DNAJC11: variants seen among roughly 807,000 people sequenced by gnomAD.
DNAJC11 encodes the protein dnaJ homolog subfamily C member 11.
Under a neutral mutation model 78.6 loss-of-function variants are expected in DNAJC11, and 15 were observed. The observed-to-expected ratio is 0.19, with a 90% CI of 0.13 to 0.29. The LOEUF (loss-of-function observed/expected upper bound fraction) is 0.29. Among genes scored for constraint, DNAJC11 ranks in the 10% least tolerant of loss-of-function variants. The pLI, the probability that DNAJC11 is intolerant of heterozygous loss-of-function variation, is 1.00. For missense variants in DNAJC11, 547 were observed against 709.6 expected (o/e 0.77, Z 2.60); for synonymous variants, 292 against 272.1 (o/e 1.07, Z -0.72).
chr1:6,639,022 A>AT (rs1210328933), intron 11 of DNAJC11, among the ~76,000 whole-genome samples: 1 of 152,208 alleles, frequency 6.6e-6, no homozygotes, highest in Non-Finnish European at 1.5e-5. Flanking sequence ...AGAAGAGGAG[A>AT]TTCATTCCTT....
intron 14 of DNAJC11, 98 bp from the exon 15 acceptor site, chr1:6,636,344 A>T: frequency 6.6e-7 from 1 of 1,512,780 alleles, no homozygotes. Context: ...AGGCTCTGAC[A>T]TTCCCTGGGG....
intron 7 of DNAJC11, among the ~76,000 whole-genome samples, chr1:6,649,556 T>C (rs1211684511): frequency 1.3e-5 from 2 of 152,154 alleles, no homozygotes; most frequent in Admixed American, 6.5e-5. Context: ...CAACTTCTCC[T>C]GCTCTCCCTA....
intron 3 of DNAJC11, among the ~76,000 whole-genome samples, chr1:6,672,374 A>G (rs1193809558): frequency 3.3e-5 from 5 of 152,218 alleles, no homozygotes; most frequent in Admixed American, 3.3e-4. Flanking sequence ...GTGAAGCTTC[A>G]CAAAGGCTGC....
intron 15 of DNAJC11, 67 bp from the exon 16 acceptor site, chr1:6,635,767 G>A: frequency 1.3e-6 from 2 of 1,572,548 alleles, no homozygotes; most frequent in Non-Finnish European, 1.7e-6. Flanking sequence ...TCTACTGATG[G>A]GGCTCAGCAG....
At chr1:6,679,468 T>A (rs1327706629) in intron 2 of DNAJC11, among the ~76,000 whole-genome samples, 1 of 152,166 alleles carries the variant, frequency 6.6e-6, no homozygotes, top group Non-Finnish European at 1.5e-5. Flanking sequence ...GCAAGGCCAA[T>A]GGTTGTTCTC....
intron 4 of DNAJC11, among the ~76,000 whole-genome samples, chr1:6,657,770 G>A (rs1032020643): frequency 5.3e-5 from 8 of 152,222 alleles, no homozygotes; most frequent in Admixed American, 2.0e-4. Flanking sequence ...TCAGCCTCCC[G>A]AGTAGCTGGG....
chr1:6,677,139 C>T (rs1268296580), intron 3 of DNAJC11, among the ~76,000 whole-genome samples: 1 of 85,452 alleles, frequency 1.2e-5, no homozygotes, highest in Non-Finnish European at 2.2e-5. Context: ...GCCTGGGCAA[C>T]AAGAGCAAAA....
Position 6,640,204 on chromosome 1 carries a change from T to A in DNAJC11, c.1098-147A>T, listed in dbSNP as rs994910992. On this transcript the variant is annotated intron_variant, in intron 10 of 15. Coordinates refer to ENST00000377577, the MANE Select transcript of DNAJC11 (RefSeq NM_018198.4). ...AGCCTGCAGTCTGCTCCTTTCACAG[T>A]CCACCACCTTCTGGCCTCCCGTTCC... The A allele has an allele frequency of 1.0e-5, 10 of 998,892 alleles. No individual in the cohort carries two copies. The Admixed American group carries it at 1.5e-4, about 15-fold the overall frequency. The allele number at this position is 998,892 out of a possible 1,614,324, so 61.9% of individuals were successfully genotyped here.
At chr1:6,648,460 T>C (rs1227691372) in intron 7 of DNAJC11, among the ~76,000 whole-genome samples, 2 of 151,636 alleles carry the variant, frequency 1.3e-5, no homozygotes, top group East Asian at 3.9e-4. Flanking sequence ...CTGACCAGCA[T>C]TTCTTTTTTC....
intron 4 of DNAJC11, among the ~76,000 whole-genome samples, chr1:6,662,347 C>T (rs747666026): frequency 2.0e-5 from 3 of 152,044 alleles, no homozygotes; most frequent in Non-Finnish European, 4.4e-5. Flanking sequence ...GCGCCTGCCA[C>T]CACGCCTGGC....
rs1374142978 is a variant in DNAJC11 at position 6,695,626 on chromosome 1, C to T, written c.72+6103G>A. ...CCAACATAGTGAAACCCTATCTCTA[C>T]TAAAAAAAAAAAAAAAAAAAAAAAA... On this transcript the variant is annotated intron_variant, in intron 1 of 15. Coordinates refer to ENST00000377577, the MANE Select transcript of DNAJC11 (RefSeq NM_018198.4). 2.1e-4 allele frequency among the ~76,000 whole-genome samples: 4 copies of T among 19,288 alleles called. 1 individual carries two copies. The highest frequency in any genetic ancestry group is 5.3e-4 in the African/African-American group (3 of 5,714). 12.7% of individuals were successfully genotyped at this position (19,288 alleles called of 152,430 possible). A position where few individuals can be genotyped will look rare whatever the true frequency, so the allele number is the denominator to read the frequency against.
intron 3 of DNAJC11, among the ~76,000 whole-genome samples, chr1:6,677,667 T>C (rs918081184): frequency 6.6e-6 from 1 of 152,170 alleles, no homozygotes; most frequent in Non-Finnish European, 1.5e-5. Context: ...CTAATCTTCA[T>C]ATTCATTTTT....
At chr1:6,699,354 G>A (rs1385121860) in intron 1 of DNAJC11, among the ~76,000 whole-genome samples, 2 of 152,090 alleles carry the variant, frequency 1.3e-5, no homozygotes, top group Non-Finnish European at 1.5e-5. Flanking sequence ...ACAATGACAG[G>A]CTCTACAGTT....
rs765476365 is a variant in DNAJC11, at chr1:6,652,889, A to T, written c.570T>A (p.Asn190Lys). The change falls in exon 6 of 16, where the codon AAT becomes AAA. Residue 190 changes from asparagine (N) to lysine (K), a missense_variant. Transcript: ENST00000377577. ...GCGCAAAGTTAATGGAACCTCCTCC[A>T]TTTCCATTCTGGGTTGAGAGGCTTC... ...LSGSLSTQNGNGGGSINFALR... is the reference protein window; with the variant it reads ...LSGSLSTQNGKGGGSINFALR... 1 of 1,614,122 alleles carries T rather than the reference A, an allele frequency of 6.2e-7. No individual in the cohort carries two copies. Among genetic ancestry groups the T allele is most frequent in the South Asian group, 1.1e-5 (1 of 91,082 alleles).
intron 1 of DNAJC11, among the ~76,000 whole-genome samples, chr1:6,689,068 A>C (rs559805325): frequency 5.9e-5 from 9 of 152,228 alleles, no homozygotes; most frequent in Non-Finnish European, 1.2e-4. Flanking sequence ...AATGGAGCCA[A>C]GGAGTTTGAC....
chr1:6,670,999 C>T (rs1167875785), intron 3 of DNAJC11: 4 of 152,140 alleles, frequency 2.6e-5, no homozygotes, highest in Non-Finnish European at 4.4e-5. Flanking sequence ...AGAAAATATG[C>T]TTTAAAATAC....
intron 3 of DNAJC11, among the ~76,000 whole-genome samples, chr1:6,671,681 G>A (rs1363483301): frequency 4.6e-5 from 7 of 150,592 alleles, no homozygotes; most frequent in South Asian, 2.1e-4. Context: ...ACAGGCATCC[G>A]CCACCACGCC....
intron 1 of DNAJC11, among the ~76,000 whole-genome samples, chr1:6,690,644 C>A (rs891498130): frequency 6.6e-6 from 1 of 152,148 alleles, no homozygotes; most frequent in African/African-American, 2.4e-5. Context: ...CCCTGAATTG[C>A]CTGGGCGTGG....
At chr1:6,669,943 G>A (rs1157577676) in intron 3 of DNAJC11, among the ~76,000 whole-genome samples, 3 of 151,820 alleles carry the variant, frequency 2.0e-5, no homozygotes, top group African/African-American at 4.8e-5. Flanking sequence ...GAAATTTCAC[G>A]TTTCAAAAAA....
Sources: gnomAD v4.1 joint callset for allele counts (sites outside exome capture counted in the v4.1 genomes callset) on GRCh38, gnomAD v4.1.1 for gene constraint, MANE v1.5 for transcripts, NCBI Gene and HGNC (gene_info 2026-07-23, HGNC 2026-07-21) for gene names.